PXYLP1: variants seen among roughly 807,000 people sequenced by gnomAD.
PXYLP1 encodes acid phosphatase-like 2.
PXYLP1 carries 17 observed loss-of-function variants against 37.9 expected under a neutral mutation model. That is an observed-to-expected ratio of 0.45 (90% CI 0.31 to 0.67). The LOEUF is 0.67. Ranked by LOEUF, PXYLP1 falls within the 30% of genes least tolerant of loss-of-function variation. The pLI is 0.07. For missense variants in PXYLP1, 511 were observed against 612.0 expected (o/e 0.84, Z 1.74); for synonymous variants, 221 against 232.2 (o/e 0.95, Z 0.44).
chr3:141,272,294 C>A (rs1406424569), intron 2 of PXYLP1, among the ~76,000 whole-genome samples: 3 of 152,172 alleles, frequency 2.0e-5, no homozygotes, highest in African/African-American at 7.2e-5. Flanking sequence ...CCCTGAGGTT[C>A]AAAGGCTAGA....
chr3:141,241,266 G>T (rs979166208), intron 1 of PXYLP1, among the ~76,000 whole-genome samples: 11 of 152,270 alleles, frequency 7.2e-5, no homozygotes, highest in Non-Finnish European at 1.3e-4. Context: ...CTGTGATGGG[G>T]CTATTCCGTC....
At chr3:141,290,993 G>T (rs1166453662) in intron 5 of PXYLP1, among the ~76,000 whole-genome samples, 1 of 152,106 alleles carries the variant, frequency 6.6e-6, no homozygotes, top group Admixed American at 6.5e-5. Context: ...AAAGCGTCTT[G>T]GAAGTGCTAA....
At chr3:141,282,672 G>A (rs1340332085) in intron 4 of PXYLP1, among the ~76,000 whole-genome samples, 1 of 152,242 alleles carries the variant, frequency 6.6e-6, no homozygotes, top group Non-Finnish European at 1.5e-5. Flanking sequence ...TTTGTTGAAT[G>A]AATAAATGAT....
chr3:141,275,728 T>C (rs1481955592), intron 2 of PXYLP1, among the ~76,000 whole-genome samples: 1 of 151,314 alleles, frequency 6.6e-6, no homozygotes, highest in Non-Finnish European at 1.5e-5. Flanking sequence ...GGTGGGTGAA[T>C]CACCAGTTCT....
intron 2 of PXYLP1, among the ~76,000 whole-genome samples, chr3:141,267,883 C>CTCCCTCTT (rs1379502388): frequency 4.0e-5 from 6 of 151,844 alleles, no homozygotes; most frequent in Non-Finnish European, 5.9e-5. Flanking sequence ...CTCTCCCTCT[C>CTCCCTCTT]TCCCTCTCTC....
At chr3:141,240,745 G>T (rs1940777161) in intron 1 of PXYLP1, among the ~76,000 whole-genome samples, 1 of 152,176 alleles carries the variant, frequency 6.6e-6, no homozygotes, top group Non-Finnish European at 1.5e-5. Flanking sequence ...AGAAGGAAAT[G>T]CTGTGCTAAG....
intron 3 of PXYLP1, 142 bp downstream of exon 3, chr3:141,278,642 G>A (rs1347716374): frequency 9.3e-7 from 1 of 1,078,932 alleles, no homozygotes; most frequent in Admixed American, 2.5e-5. Flanking sequence ...GAGTTCCTGG[G>A]TCCTTGCATT....
intron 2 of PXYLP1, chr3:141,262,360 A>G (rs1941411685): frequency 9.8e-7 from 1 of 1,024,948 alleles, no homozygotes; most frequent in South Asian, 4.6e-5. Context: ...TCAGTAGTTT[A>G]ATTGTTTATA....
chr3:141,258,797 T>A (rs1301306765), intron 1 of PXYLP1: 1 of 152,676 alleles, frequency 6.5e-6, no homozygotes, highest in African/African-American at 2.4e-5. Context: ...TTGTCACATA[T>A]GCCAAATAGA....
chr3:141,233,690 G>C (rs530957287), intron 1 of PXYLP1, among the ~76,000 whole-genome samples: 1 of 152,198 alleles, frequency 6.6e-6, no homozygotes, highest in African/African-American at 2.4e-5. Context: ...GGGAGGCTGC[G>C]TTTGGGCACC....
intron 1 of PXYLP1, among the ~76,000 whole-genome samples, chr3:141,248,749 GTA>G (rs772983774): frequency 0.04 from 260 of 6,548 alleles, 15 homozygotes; most frequent in Middle Eastern, 0.091. Context: ...ATATACACAC[GTA>G]TATATATACA....
At chr3:141,237,582 T>C (rs1340406579) in intron 1 of PXYLP1, among the ~76,000 whole-genome samples, 1 of 152,224 alleles carries the variant, frequency 6.6e-6, no homozygotes, top group African/African-American at 2.4e-5. Flanking sequence ...TAATAATACA[T>C]GATGAGGGCT....
chr3:141,258,651 C>T (rs1941320369), intron 1 of PXYLP1: 1 of 163,750 alleles, frequency 6.1e-6, no homozygotes, highest in Non-Finnish European at 1.3e-5. Flanking sequence ...TAAGGCACGT[C>T]CCATACCGTC....
chr3:141,292,409 C>T lies in PXYLP1; in HGVS notation c.647C>T (p.Ala216Val). 1 of 1,614,176 alleles carries T rather than the reference C, an allele frequency of 6.2e-7. No individual in the cohort carries two copies. Among genetic ancestry groups the T allele is most frequent in the South Asian group, 1.1e-5 (1 of 91,078 alleles). The change falls in exon 6 of 6, where the codon GCC becomes GTC. Residue 216 changes from alanine to valine, a missense_variant. By Grantham distance (64) the Ala-to-Val change is moderately conservative. Transcript: ENST00000286353. The surrounding 1 kb of genome is among the most constrained non-coding windows in gnomAD (Gnocchi z 4.3). ...AGCCGGACCCTACAAAGTGGGCTGG[C>T]CTTGCTTTATGGCTTTCTCCCAGAT... ...GKSRTLQSGLALLYGFLPDFD... is the reference protein window; with the variant it reads ...GKSRTLQSGLVLLYGFLPDFD...
At chr3:141,262,586 G>A in intron 2 of PXYLP1, 1 of 1,428,170 alleles carries the variant, frequency 7.0e-7, no homozygotes, top group East Asian at 2.5e-5. Context: ...TTTTAGGAAA[G>A]CCAATTTTCA....
At chr3:141,273,640 C>T in intron 2 of PXYLP1, 1 of 985,312 alleles carries the variant, frequency 1.0e-6, no homozygotes. Flanking sequence ...TGTTCTCTGC[C>T]ATTTCTTTGA....
In PXYLP1 at chr3:141,293,098, A is replaced by G. The variant is rs1485773061; in HGVS notation, c.1336A>G (p.Met446Val). 1.6e-5 allele frequency: 26 copies of G among 1,614,048 alleles called. No homozygotes were observed. Among genetic ancestry groups the G allele is most frequent in the Non-Finnish European group, 2.1e-5 (25 of 1,180,032 alleles). The change falls in exon 6 of 6, where the codon ATG (methionine) becomes GTG (valine). Residue 446 changes from methionine (M) to valine (V), a missense_variant. Coordinates refer to ENST00000286353, the MANE Select transcript of PXYLP1 (RefSeq NM_001037172.3). ...QDHHKRSPKP[M>V]CPLENLVRFV... ...CCACCACAAGCGTTCTCCCAAGCCCATGTGCCCGCTTGAAAACTTGGTCCG... is the reference window on the plus strand; with the variant it reads ...CCACCACAAGCGTTCTCCCAAGCCCGTGTGCCCGCTTGAAAACTTGGTCCG...
chr3:141,262,336 G>A (rs370349509), intron 2 of PXYLP1: 5 of 1,015,854 alleles, frequency 4.9e-6, no homozygotes, highest in East Asian at 1.8e-4. Flanking sequence ...TTTCCAAAAA[G>A]TGTGGTAAGA....
intron 5 of PXYLP1, among the ~76,000 whole-genome samples, chr3:141,291,896 A>C (rs1942219525): frequency 6.6e-6 from 1 of 152,240 alleles, no homozygotes; most frequent in South Asian, 2.1e-4. Context: ...ACAGGAGGGA[A>C]AAACCTCTCC....
Sources: allele counts gnomAD v4.1 joint callset (sites outside exome capture counted in the v4.1 genomes callset), GRCh38; gene constraint gnomAD v4.1.1; non-coding constraint Gnocchi (gnomAD v3.1); transcripts MANE v1.5; gene names NCBI Gene and HGNC (gene_info 2026-07-23, HGNC 2026-07-21).